The following KIAA1549L variants were observed in gnomAD, a reference collection of about 807,000 sequenced individuals.
The protein encoded by KIAA1549L is KIAA1549 like.
Under a neutral mutation model 160.7 loss-of-function variants are expected in KIAA1549L, and 88 were observed. The ratio of observed to expected loss-of-function variants is 0.55; its 90% CI spans 0.46 to 0.65. The LOEUF is 0.65. Ranked by LOEUF, KIAA1549L falls within the 30% of genes least tolerant of loss-of-function variation. The pLI is 0.00. For synonymous variants in KIAA1549L, 950 were observed against 976.7 expected, an observed-to-expected ratio of 0.97 and a Z score of 0.51; for missense variants, 2,258 against 2,437.5, an observed-to-expected ratio of 0.93 and a Z score of 1.55.
intron 16 of KIAA1549L, among the ~76,000 whole-genome samples, chr11:33,634,785 C>T (rs1198906907): frequency 6.6e-6 from 1 of 152,026 alleles, no homozygotes; most frequent in East Asian, 1.9e-4. Context: ...AGAGGATGTC[C>T]CTATTTCCTT....
intron 14 of KIAA1549L, 55 bp downstream of exon 14, chr11:33,606,877 G>A (rs1348656127): frequency 1.5e-5 from 22 of 1,457,616 alleles, no homozygotes; most frequent in East Asian, 1.5e-4. Context: ...TGGGAAATTC[G>A]GACGAAGGAA....
chr11:33,459,134 C>A (rs1417253367), intron 1 of KIAA1549L, among the ~76,000 whole-genome samples: 1 of 152,158 alleles, frequency 6.6e-6, no homozygotes, highest in Non-Finnish European at 1.5e-5. Flanking sequence ...TTAGTGGAGA[C>A]TTTATTTCAA....
chr11:33,658,098 G>A (rs1216378009), intron 18 of KIAA1549L, among the ~76,000 whole-genome samples: 2 of 152,234 alleles, frequency 1.3e-5, no homozygotes, highest in East Asian at 3.9e-4. Flanking sequence ...CGTCTACAGA[G>A]CCTAGGCTGC....
chr11:33,601,083 G>A (rs908216440), intron 13 of KIAA1549L, among the ~76,000 whole-genome samples: 9 of 152,124 alleles, frequency 5.9e-5, no homozygotes, highest in Admixed American at 4.6e-4. Flanking sequence ...AAATAAAACA[G>A]GTGGGTGCAG....
At chr11:33,435,798 A>ATATGTG (rs1565135870) in intron 1 of KIAA1549L, among the ~76,000 whole-genome samples, 1 of 7,626 alleles carries the variant, frequency 1.3e-4, no homozygotes, top group African/African-American at 8.1e-4. Flanking sequence ...ATATATATAT[A>ATATGTG]TATATATATA....
At position 33,671,277 on chromosome 11, in the gene KIAA1549L, C is replaced by G. The variant is rs1014783867; in HGVS notation, c.*3123C>G. The G allele has an allele frequency of 6.6e-6, 1 of 152,164 alleles. No individual in the cohort carries two copies. Among genetic ancestry groups the G allele is most frequent in the Non-Finnish European group, 1.5e-5 (1 of 68,038 alleles). 9.4% of individuals were successfully genotyped at this position (152,164 alleles called of 1,614,324 possible). Reference sequence around the variant, plus strand: ...AGCACCAAGGATCCCAACAGGCAGGCAGGGAGGCCCTTGACTTTGTGTCAC... The same window carrying G: ...AGCACCAAGGATCCCAACAGGCAGGGAGGGAGGCCCTTGACTTTGTGTCAC... On this transcript the variant is annotated 3_prime_UTR_variant, in exon 21 of 21. Transcript: ENST00000658780.
intron 1 of KIAA1549L, among the ~76,000 whole-genome samples, chr11:33,493,151 G>C (rs756290737): frequency 5.3e-5 from 8 of 152,090 alleles, no homozygotes; most frequent in Non-Finnish European, 1.2e-4. Context: ...CTGGGGTGAT[G>C]CTGTGGTTTG....
intron 1 of KIAA1549L, among the ~76,000 whole-genome samples, chr11:33,402,183 T>C (rs1590220619): frequency 6.6e-6 from 1 of 152,304 alleles, no homozygotes; most frequent in African/African-American, 2.4e-5. Flanking sequence ...CTCAGCTGTC[T>C]CCCAGCCTGA....
intron 1 of KIAA1549L, among the ~76,000 whole-genome samples, chr11:33,402,135 A>G (rs1435121876): frequency 3.3e-5 from 5 of 152,092 alleles, no homozygotes; most frequent in Non-Finnish European, 7.4e-5. Context: ...GTTCCCTCTT[A>G]TGGACACTTC....
chr11:33,465,664 G>A (rs1342809174), intron 1 of KIAA1549L, among the ~76,000 whole-genome samples: 1 of 152,160 alleles, frequency 6.6e-6, no homozygotes, highest in African/African-American at 2.4e-5. Flanking sequence ...TAATGGAACA[G>A]AACAGAGGCC....
At chr11:33,449,756 TA>T (rs1054273133) in intron 1 of KIAA1549L, among the ~76,000 whole-genome samples, 10 of 152,136 alleles carry the variant, frequency 6.6e-5, no homozygotes, top group African/African-American at 2.2e-4. Context: ...GTGCCTAGCC[TA>T]GGGTAACTAG....
chr11:33,482,932 A>C lies in KIAA1549L; in HGVS notation c.239-58870A>C, dbSNP rs547104103. Among the ~76,000 whole-genome samples the C allele has an allele frequency of 7.2e-4, 109 of 152,230 alleles. 1 individual carries two copies. Among genetic ancestry groups the C allele is most frequent in the African/African-American group, 2.6e-3 (108 of 41,540 alleles). ...ATTTATATGACTAAGACAAGCTCTG[A>C]TTATTCATGATTTAAAATTTTCAGT... On this transcript the variant is annotated intron_variant, in intron 1 of 20. Transcript: ENST00000658780.
chr11:33,496,474 A>C (rs539058878), intron 1 of KIAA1549L, among the ~76,000 whole-genome samples: 17 of 152,344 alleles, frequency 1.1e-4, no homozygotes, highest in Non-Finnish European at 2.1e-4. Context: ...CTTGGCTGAA[A>C]TGCCCAGAGC....
intron 15 of KIAA1549L, among the ~76,000 whole-genome samples, chr11:33,614,793 A>C (rs2133342009): frequency 6.7e-6 from 1 of 149,788 alleles, no homozygotes; most frequent in South Asian, 2.1e-4. Context: ...TTGTATTTTT[A>C]ATAGAGACGG....
chr11:33,631,395 C>T (rs1015150777), intron 16 of KIAA1549L, among the ~76,000 whole-genome samples: 1 of 152,228 alleles, frequency 6.6e-6, no homozygotes, highest in Non-Finnish European at 1.5e-5. Flanking sequence ...TGGAATCTCC[C>T]TTCCCACCTG....
intron 1 of KIAA1549L, among the ~76,000 whole-genome samples, chr11:33,439,014 CCT>C (rs1421789401): frequency 6.6e-6 from 1 of 152,004 alleles, no homozygotes; most frequent in African/African-American, 2.4e-5. Flanking sequence ...GCAACCTCTG[CCT>C]CTCGGATTCA....
chr11:33,665,716 C>G (rs768898731), intron 20 of KIAA1549L, among the ~76,000 whole-genome samples: 1 of 152,166 alleles, frequency 6.6e-6, no homozygotes, highest in African/African-American at 2.4e-5. Flanking sequence ...GAGACCCGCC[C>G]TCTTCCACCC....
chr11:33,600,526 C>T (rs1850329510), intron 13 of KIAA1549L, among the ~76,000 whole-genome samples: 1 of 151,526 alleles, frequency 6.6e-6, no homozygotes, highest in Non-Finnish European at 1.5e-5. Flanking sequence ...GCCCTCCCAG[C>T]TCCGCCTACT....
chr11:33,546,153 G>A (rs1026321671), intron 3 of KIAA1549L, among the ~76,000 whole-genome samples: 13 of 152,172 alleles, frequency 8.5e-5, no homozygotes, highest in Admixed American at 3.9e-4. Flanking sequence ...ATTTGAAAGA[G>A]CATGCCAATG....
Sources: gnomAD v4.1 joint callset for allele counts (sites outside exome capture counted in the v4.1 genomes callset) on GRCh38, gnomAD v4.1.1 for gene constraint, MANE v1.5 for transcripts, NCBI Gene and HGNC (gene_info 2026-07-23, HGNC 2026-07-21) for gene names.